The following AFF3 variants were observed in gnomAD, a reference collection of about 807,000 sequenced individuals.
AFF3 encodes ALF transcription elongation factor 3, also known as AF4/FMR2 family member 3.
In AFF3, 32 loss-of-function variants were observed where a neutral mutation model predicts 129.7. The ratio of observed to expected loss-of-function variants is 0.25; its 90% CI spans 0.19 to 0.33. AFF3 has a LOEUF of 0.33. AFF3 is among the 10% of genes least tolerant of loss of function. The probability of loss-of-function intolerance (pLI) is 1.00; values close to 1 mark genes in which losing one functional copy is unlikely to be tolerated. For missense variants in AFF3, 1,373 were observed against 1,592.0 expected (o/e 0.86, Z 2.34); for synonymous variants, 644 against 635.4 (o/e 1.01, Z -0.20).
rs192719051 is a variant in AFF3 at position 99,550,546 on chromosome 2, G to A, written c.*928C>T. 5.2e-5 allele frequency: 12 copies of A among 232,480 alleles called. No homozygotes were observed. Among genetic ancestry groups the A allele is most frequent in the Admixed American group, 3.9e-4 (7 of 17,774 alleles). 14.4% of individuals were successfully genotyped at this position (232,480 alleles called of 1,614,324 possible). ...GGAAAGAAAAGACTTGAAACAGATT[G>A]GCTGACAAATGCCATGTGGCTCTAC... is the stretch of plus-strand genomic sequence containing the variant. On this transcript the variant is annotated 3_prime_UTR_variant, in exon 25 of 25. Transcript: ENST00000672756.
chr2:99,851,485 T>C (rs1385394677), intron 7 of AFF3, among the ~76,000 whole-genome samples: 1 of 152,272 alleles, frequency 6.6e-6, no homozygotes, highest in Non-Finnish European at 1.5e-5. Context: ...TTGCCTTCTA[T>C]AGCACTTTGT....
At chr2:99,648,224 G>A (rs1317669764) in intron 13 of AFF3, among the ~76,000 whole-genome samples, 3 of 152,022 alleles carry the variant, frequency 2.0e-5, no homozygotes, top group African/African-American at 4.8e-5. Flanking sequence ...ACAAGGTTGT[G>A]CAACCATCAC....
chr2:99,934,775 A>G (rs1395994150), intron 7 of AFF3, among the ~76,000 whole-genome samples: 1 of 152,138 alleles, frequency 6.6e-6, no homozygotes, highest in Non-Finnish European at 1.5e-5. Context: ...GGGGAGAAGA[A>G]TGGGTGCACA....
chr2:99,921,606 C>T, intron 7 of AFF3, among the ~76,000 whole-genome samples: 1 of 151,962 alleles, frequency 6.6e-6, no homozygotes, highest in Non-Finnish European at 1.5e-5. Context: ...TTTGCAACTT[C>T]CTATAATTTT....
intron 13 of AFF3, among the ~76,000 whole-genome samples, chr2:99,611,526 G>A (rs1276782229): frequency 6.6e-6 from 1 of 152,102 alleles, no homozygotes; most frequent in South Asian, 2.1e-4. Flanking sequence ...CCCCACTCAG[G>A]CTTTGCTGAT....
At position 99,627,676 on chromosome 2, in the gene AFF3, T is replaced by C. The variant is rs184798905; in HGVS notation, c.1184+21950A>G. ...TCATATGACCAGAATATTGCCTACGTTGTCTTCCAGGGTTTTTATAGTTTT... is the reference window on the plus strand; with the variant it reads ...TCATATGACCAGAATATTGCCTACGCTGTCTTCCAGGGTTTTTATAGTTTT... On this transcript the variant is annotated intron_variant, in intron 13 of 24. Coordinates refer to ENST00000672756, the MANE Select transcript of AFF3 (RefSeq NM_001386135.1). Among the ~76,000 whole-genome samples, 480 of 152,304 alleles carry C rather than the reference T, an allele frequency of 3.2e-3. 4 individuals carry two copies. Among genetic ancestry groups the C allele is most frequent in the Non-Finnish European group, 5.1e-3 (349 of 68,016 alleles).
At chr2:100,131,480 G>T (rs1692427735) in intron 1 of AFF3, among the ~76,000 whole-genome samples, 1 of 151,922 alleles carries the variant, frequency 6.6e-6, no homozygotes, top group Non-Finnish European at 1.5e-5. Context: ...TTTTTTTAGA[G>T]GCAGAGTCTT....
At chr2:99,691,268 G>T (rs1229229782) in intron 11 of AFF3, among the ~76,000 whole-genome samples, 1 of 152,154 alleles carries the variant, frequency 6.6e-6, no homozygotes, top group South Asian at 2.1e-4. Context: ...GGAGGAAAAG[G>T]TTCAAGGGGA....
chr2:99,997,510 C>T (rs1680963948), intron 7 of AFF3, among the ~76,000 whole-genome samples: 1 of 150,638 alleles, frequency 6.6e-6, no homozygotes, highest in Non-Finnish European at 1.5e-5. Context: ...ACCTGCCAAG[C>T]CATGTTCCAC....
intron 4 of AFF3, among the ~76,000 whole-genome samples, chr2:100,078,687 T>C (rs1006117789): frequency 3.9e-5 from 6 of 152,152 alleles, no homozygotes; most frequent in African/African-American, 7.2e-5. Context: ...TGAGGAATTA[T>C]ATAGCCGTCC....
intron 12 of AFF3, among the ~76,000 whole-genome samples, chr2:99,667,992 TA>T (rs34038721): frequency 1.3e-5 from 2 of 151,630 alleles, no homozygotes; most frequent in Non-Finnish European, 2.9e-5. Context: ...CCGTCTCTAC[TA>T]AAAAAATATA....
At chr2:99,691,460 T>G (rs1249390470) in intron 11 of AFF3, among the ~76,000 whole-genome samples, 7 of 152,152 alleles carry the variant, frequency 4.6e-5, no homozygotes, top group African/African-American at 1.7e-4. Context: ...TTTCCTTGCT[T>G]TCTTAGAGCT....
intron 7 of AFF3, among the ~76,000 whole-genome samples, chr2:99,997,478 C>T (rs200597211): frequency 6.8e-6 from 1 of 148,138 alleles, no homozygotes; most frequent in Non-Finnish European, 1.5e-5. Flanking sequence ...AACTATCACC[C>T]CCCCCCCAGA....
chr2:100,141,476 C>T (rs1189055485), intron 1 of AFF3, among the ~76,000 whole-genome samples: 2 of 152,150 alleles, frequency 1.3e-5, no homozygotes, highest in African/African-American at 2.4e-5. Context: ...CACCAAGGAA[C>T]ACATGCTTTT....
chr2:99,846,187 C>T (rs952144127), intron 7 of AFF3, among the ~76,000 whole-genome samples: 1 of 150,772 alleles, frequency 6.6e-6, no homozygotes, highest in African/African-American at 2.4e-5. Context: ...TGGAGTGCAA[C>T]GGGGTGATCT....
At chr2:99,824,023 C>A (rs1687886133) in intron 8 of AFF3, among the ~76,000 whole-genome samples, 1 of 152,082 alleles carries the variant, frequency 6.6e-6, no homozygotes, top group African/African-American at 2.4e-5. Flanking sequence ...ACTTGTACCC[C>A]AAACCTCAGC....
In AFF3 at chr2:99,669,569, C is replaced by T. The variant is rs374638768; in HGVS notation, c.1143+2969G>A. On this transcript the variant is annotated intron_variant, in intron 12 of 24. Coordinates refer to ENST00000672756, the MANE Select transcript of AFF3 (RefSeq NM_001386135.1). ...TGGTTATTCTTCTGCAGAGTGGTGACTGGTGGGAGCATGGGGGCACCTGGG... is the reference window on the plus strand; with the variant it reads ...TGGTTATTCTTCTGCAGAGTGGTGATTGGTGGGAGCATGGGGGCACCTGGG... Among the ~76,000 whole-genome samples, 20 of 152,288 alleles carry T rather than the reference C, an allele frequency of 1.3e-4. No individual in the cohort carries two copies. The South Asian group carries it at 3.9e-3, about 30-fold the overall frequency.
intron 4 of AFF3, among the ~76,000 whole-genome samples, chr2:100,043,751 C>A (rs1044548697): frequency 4.6e-5 from 7 of 152,202 alleles, no homozygotes; most frequent in Non-Finnish European, 1.0e-4. Context: ...AGGCTCTATT[C>A]ATGTGCATCC....
intron 10 of AFF3, among the ~76,000 whole-genome samples, chr2:99,743,523 G>A (rs1486873904): frequency 6.6e-6 from 1 of 152,180 alleles, no homozygotes; most frequent in Non-Finnish European, 1.5e-5. Context: ...CCAATTAGTA[G>A]TGCCAAAGAA....
Sources: allele counts gnomAD v4.1 joint callset (sites outside exome capture counted in the v4.1 genomes callset), GRCh38; gene constraint gnomAD v4.1.1; transcripts MANE v1.5; gene names NCBI Gene and HGNC (gene_info 2026-07-23, HGNC 2026-07-21).